The following ITGA7 variants were observed in gnomAD, a reference collection of about 807,000 sequenced individuals.
ITGA7 encodes integrin subunit alpha 7, also known as integrin alpha-7.
In ITGA7, 84 loss-of-function variants were observed where a neutral mutation model predicts 131.6. That is an observed-to-expected ratio of 0.64 (90% CI 0.54 to 0.77). The LOEUF is 0.77. Ranked by LOEUF, ITGA7 falls within the 30% of genes least tolerant of loss-of-function variation. ITGA7 has a pLI of 0.00. For missense variants in ITGA7, 1,399 were observed against 1,482.9 expected, an observed-to-expected ratio of 0.94 and a Z score of 0.93; for synonymous variants, 548 against 600.7, an observed-to-expected ratio of 0.91 and a Z score of 1.28.
chr12:55,699,908 G>A lies in ITGA7; in HGVS notation c.752C>T (p.Pro251Leu). The A allele has an allele frequency of 1.2e-6, 2 of 1,613,336 alleles. No homozygotes were observed. The highest frequency in any genetic ancestry group is 1.7e-6 in the Non-Finnish European group (2 of 1,179,746). ...GAGGGCCAAGTCTCCGGCTGGTCCT[G>A]GGAGCCGGTCAGCAGGGTCCAAAGT... is the stretch of plus-strand genomic sequence containing the variant. ...YKTLDPADRL[P>L]GPAGDLALNS... The change falls in exon 5 of 25, where the codon CCA (proline) becomes CTA (leucine). Residue 251 changes from proline (P) to leucine (L), a missense_variant. Pro to Leu is a moderately conservative substitution (Grantham distance 98). Transcript: ENST00000257879.
chr12:55,700,742 G>A, intron 4 of ITGA7, 157 bp downstream of exon 4: 1 of 934,748 alleles, frequency 1.1e-6, no homozygotes, highest in South Asian at 1.6e-5. Flanking sequence ...CCCCATTCAT[G>A]TGTGCACTAG....
upstream of ITGA7, chr12:55,707,907 C>G (rs1039099104): frequency 1.4e-6 from 2 of 1,405,110 alleles, no homozygotes; most frequent in African/African-American, 3.0e-5. Flanking sequence ...GCGCCCACTC[C>G]GGCTCCCGCC....
intron 21 of ITGA7, among the ~76,000 whole-genome samples, chr12:55,690,904 G>A (rs1871287442): frequency 6.6e-6 from 1 of 151,874 alleles, no homozygotes; most frequent in South Asian, 2.1e-4. Flanking sequence ...TCACTCATAG[G>A]TGGGAATTGA....
upstream of ITGA7, among the ~76,000 whole-genome samples, chr12:55,715,080 C>T (rs919003180): frequency 6.6e-6 from 1 of 152,132 alleles, no homozygotes; most frequent in African/African-American, 2.4e-5. Context: ...AGCCTGGTCT[C>T]GAACTCCTGA....
upstream of ITGA7, among the ~76,000 whole-genome samples, chr12:55,715,618 TGATCACCCA>T (rs1876456213): frequency 6.6e-6 from 1 of 152,046 alleles, no homozygotes; most frequent in Non-Finnish European, 1.5e-5. Flanking sequence ...TTCTCTACAA[TGATCACCCA>T]GAGCTGAGAG....
chr12:55,712,970 G>A (rs1429624581), upstream of ITGA7, among the ~76,000 whole-genome samples: 1 of 152,100 alleles, frequency 6.6e-6, no homozygotes, highest in Non-Finnish European at 1.5e-5. Context: ...TACAGGATGG[G>A]CCTGACACTC....
Position 55,694,147 on chromosome 12 carries a change from G to C in ITGA7, c.2433-24C>G, listed in dbSNP as rs751223333. On this transcript the variant is annotated intron_variant, in intron 18 of 24. Transcript: ENST00000257879. The surrounding 1 kb of genome is among the most constrained non-coding windows in gnomAD (Gnocchi z 5.3). ...TTCTGGCGTGGAGAGGTCAGAACAG[G>C]GGTGAGAAGGTCTGGGGCCTGGCTC... The C allele has an allele frequency of 1.2e-6, 2 of 1,611,368 alleles. No individual in the cohort carries two copies. Among genetic ancestry groups the C allele is most frequent in the African/African-American group, 1.3e-5 (1 of 74,898 alleles).
chr12:55,695,359 C>T (rs555192085), intron 14 of ITGA7, 163 bp downstream of exon 14: 21 of 641,688 alleles, frequency 3.3e-5, no homozygotes, highest in Middle Eastern at 4.2e-4. Flanking sequence ...GGCCCCATCA[C>T]TGACCCTCAT....
At chr12:55,702,527 C>G (rs561733223) in intron 3 of ITGA7, among the ~76,000 whole-genome samples, 42 of 152,168 alleles carry the variant, frequency 2.8e-4, no homozygotes, top group Non-Finnish European at 5.6e-4. Context: ...GTTGGTCCGG[C>G]TGGTCTCGAA....
At chr12:55,700,364 C>G in intron 4 of ITGA7, 3 of 1,610,024 alleles carry the variant, frequency 1.9e-6, no homozygotes, top group Non-Finnish European at 2.5e-6. Flanking sequence ...TCCGCTGAGC[C>G]CTGTGCACAG....
At chr12:55,710,803 C>A (rs970697995), upstream of ITGA7, among the ~76,000 whole-genome samples, 4 of 151,968 alleles carry the variant, frequency 2.6e-5, no homozygotes, top group African/African-American at 9.7e-5. Flanking sequence ...CACTCGCATA[C>A]CATTCTCAAA....
chr12:55,694,419 C>T lies in ITGA7; in HGVS notation c.2357+24G>A. 6.2e-7 allele frequency: 1 copy of T among 1,613,822 alleles called. No homozygotes were observed. Among genetic ancestry groups the T allele is most frequent in the Non-Finnish European group, 8.5e-7 (1 of 1,179,716 alleles). On this transcript the variant is annotated intron_variant, in intron 17 of 24. Coordinates refer to ENST00000257879, the MANE Select transcript of ITGA7 (RefSeq NM_002206.3). This position sits in a 1 kb window ranked among gnomAD's most constrained non-coding sequence, Gnocchi z 5.3. The stretch of plus-strand genomic sequence containing the variant: ...GGTCAATATGACTACCCCCACCTCA[C>T]CCTTCCGGCCCCGCCTGGCTTACGT...
upstream of ITGA7, among the ~76,000 whole-genome samples, chr12:55,711,064 G>C (rs1876064715): frequency 6.6e-6 from 1 of 152,174 alleles, no homozygotes; most frequent in Admixed American, 6.5e-5. Context: ...TAACAATACT[G>C]TACCAATATC....
chr12:55,695,311 T>C, intron 14 of ITGA7: 5 of 604,156 alleles, frequency 8.3e-6, no homozygotes, highest in South Asian at 2.0e-5. Context: ...ATTAGTGTAC[T>C]GTGAAGGATT....
chr12:55,696,234 T>A, intron 13 of ITGA7, 49 bp downstream of exon 13: 1 of 1,539,102 alleles, frequency 6.5e-7, no homozygotes, highest in Non-Finnish European at 8.7e-7. Context: ...GACCATGATC[T>A]TTGCCCTCCC....
chr12:55,696,509 G>A, intron 12 of ITGA7, 77 bp from the exon 13 acceptor site: 1 of 1,466,306 alleles, frequency 6.8e-7, no homozygotes, highest in Non-Finnish European at 9.4e-7. Context: ...GCCAGACCTA[G>A]GACCAATTCT....
Position 55,698,793 on chromosome 12 carries a change from C to T in ITGA7, c.915G>A (p.Leu305=), listed in dbSNP as rs762898596. 1 of 1,614,146 alleles carries T rather than the reference C, an allele frequency of 6.2e-7. No homozygotes were observed. ...CCCCAGACAGCATAACCTCGGGCACCAGGCGACTGGCGCTGTCCTTGCGCA... is the reference window on the plus strand; with the variant it reads ...CCCCAGACAGCATAACCTCGGGCACTAGGCGACTGGCGCTGTCCTTGCGCA... ...VILRKDSASR[L]VPEVMLSGER... The change falls in exon 6 of 25, where the codon CTG becomes CTA. Residue 305 remains leucine (L), a synonymous_variant. Transcript: ENST00000257879.
intron 14 of ITGA7, 63 bp downstream of exon 14, chr12:55,695,459 G>T: frequency 8.9e-7 from 1 of 1,126,330 alleles, no homozygotes; most frequent in Non-Finnish European, 1.3e-6. Context: ...CTCCTGAGAG[G>T]GCTTTCTCTC....
rs773884188 is a variant in ITGA7 at position 55,699,942 on chromosome 12, C to T, written c.718G>A (p.Val240Met). ...NIDSSDPDQLVYKTLDPADRL... is the reference protein window; with the variant it reads ...NIDSSDPDQLMYKTLDPADRL... ...TCAGCAGGGTCCAAAGTTTTATACA[C>T]CAGCTGGTCGGGGTCTGAGCTATCA... Residue 240 changes from valine to methionine, a missense_variant, in exon 5 of 25, where the codon GTG (valine) becomes ATG (methionine). By Grantham distance (21) the Val-to-Met change is conservative (BLOSUM62 1). Transcript: ENST00000257879. The T allele has an allele frequency of 1.2e-6, 2 of 1,614,004 alleles. No individual in the cohort carries two copies. The highest frequency in any genetic ancestry group is 1.7e-6 in the Non-Finnish European group (2 of 1,180,020).
Sources: gnomAD v4.1 joint callset for allele counts (sites outside exome capture counted in the v4.1 genomes callset) on GRCh38, gnomAD v4.1.1 for gene constraint, Gnocchi (gnomAD v3.1) non-coding constraint, MANE v1.5 for transcripts, NCBI Gene and HGNC (gene_info 2026-07-23, HGNC 2026-07-21) for gene names.